CDK14: variants seen among roughly 807,000 people sequenced by gnomAD.
CDK14 encodes cyclin dependent kinase 14, also known as cyclin-dependent kinase 14.
A neutral mutation model predicts 60.7 loss-of-function variants in CDK14; 34 were observed. The observed-to-expected ratio is 0.56, with a 90% CI of 0.43 to 0.75. The LOEUF (loss-of-function observed/expected upper bound fraction) is 0.75. Among genes scored for constraint, CDK14 ranks in the 30% least tolerant of loss-of-function variants. The pLI is 0.00. For missense variants in CDK14, 482 were observed against 564.1 expected (o/e 0.85, Z 1.47); for synonymous variants, 197 against 203.7 (o/e 0.97, Z 0.28).
At chr7:90,612,771 CAAAA>C (rs531162992) in intron 2 of CDK14, among the ~76,000 whole-genome samples, 35 of 91,692 alleles carry the variant, frequency 3.8e-4, no homozygotes, top group South Asian at 8.3e-4. Context: ...GACTCTGTCT[CAAAA>C]AAAAAAAAAA....
intron 4 of CDK14, among the ~76,000 whole-genome samples, chr7:90,789,385 AT>A (rs1805733142): frequency 6.6e-6 from 1 of 152,150 alleles, no homozygotes; most frequent in Non-Finnish European, 1.5e-5. Context: ...ATACATATAT[AT>A]GTAAGTCTAT....
At chr7:90,627,623 T>G (rs1322574827) in intron 2 of CDK14, among the ~76,000 whole-genome samples, 3 of 152,226 alleles carry the variant, frequency 2.0e-5, no homozygotes, top group Non-Finnish European at 4.4e-5. Flanking sequence ...TCTGGCCTCA[T>G]GTCTTTGCTC....
chr7:90,648,638 C>T (rs1800521368), intron 2 of CDK14, among the ~76,000 whole-genome samples: 1 of 152,114 alleles, frequency 6.6e-6, no homozygotes, highest in Non-Finnish European at 1.5e-5. Flanking sequence ...CATCCCAGCA[C>T]TGAGCCCAAT....
At chr7:90,959,760 TTCC>T (rs1258115728) in intron 9 of CDK14, among the ~76,000 whole-genome samples, 3 of 152,194 alleles carry the variant, frequency 2.0e-5, no homozygotes, top group African/African-American at 7.2e-5. Flanking sequence ...GTGTTACGAT[TTCC>T]TCCTCCAGGT....
intron 11 of CDK14, among the ~76,000 whole-genome samples, chr7:91,054,756 T>G (rs542825691): frequency 9.2e-5 from 14 of 152,180 alleles, no homozygotes; most frequent in Non-Finnish European, 1.9e-4. Flanking sequence ...TCCTTTTTCT[T>G]GCAGAGCTCA....
intron 2 of CDK14, among the ~76,000 whole-genome samples, chr7:90,661,150 C>T (rs1584776562): frequency 6.6e-6 from 1 of 152,330 alleles, no homozygotes; most frequent in East Asian, 1.9e-4. Flanking sequence ...AGTTCTATGT[C>T]TGCTGCAAGA....
chr7:90,746,593 T>C (rs1460421306), intron 3 of CDK14, among the ~76,000 whole-genome samples: 1 of 152,198 alleles, frequency 6.6e-6, no homozygotes, highest in Non-Finnish European at 1.5e-5. Context: ...CTAATATGCT[T>C]TGGTATTACC....
At chr7:91,075,813 A>G (rs369864139) in intron 11 of CDK14, among the ~76,000 whole-genome samples, 1 of 152,200 alleles carries the variant, frequency 6.6e-6, no homozygotes, top group Non-Finnish European at 1.5e-5. Context: ...AAGCATTCCT[A>G]CGTACCAACA....
At chr7:90,743,183 T>C (rs955520047) in intron 3 of CDK14, among the ~76,000 whole-genome samples, 1 of 150,666 alleles carries the variant, frequency 6.6e-6, no homozygotes, top group African/African-American at 2.5e-5. Flanking sequence ...CTATATAGCG[T>C]GGTGGTATGG....
intron 11 of CDK14, among the ~76,000 whole-genome samples, chr7:91,069,309 C>T (rs1457833232): frequency 6.6e-6 from 1 of 152,040 alleles, no homozygotes; most frequent in African/African-American, 2.4e-5. Flanking sequence ...GAGGCTGAGG[C>T]GGGAGGATCG....
At chr7:91,049,103 G>A (rs188099100) in intron 11 of CDK14, among the ~76,000 whole-genome samples, 2 of 151,832 alleles carry the variant, frequency 1.3e-5, no homozygotes, top group East Asian at 1.9e-4. Flanking sequence ...GGATGGTCTC[G>A]AACTCTGGGC....
intron 5 of CDK14, among the ~76,000 whole-genome samples, chr7:90,854,363 A>G (rs1790750495): frequency 6.6e-6 from 1 of 152,036 alleles, no homozygotes; most frequent in Non-Finnish European, 1.5e-5. Context: ...ATAACTAGAA[A>G]CAAACAAACA....
In CDK14 at chr7:91,201,070, G is replaced by A. The variant is rs57696163; in HGVS notation, c.*29-6095G>A. ...TTTTTGAAAGCATGTAATTAATTGC[G>A]TGCCTATCTTTAAATGCCTCCTTAT... On this transcript the variant is annotated intron_variant, in intron 14 of 14. Transcript: ENST00000380050. 1.9e-3 allele frequency among the ~76,000 whole-genome samples: 283 copies of A among 151,940 alleles called. 3 individuals carry two copies. Among genetic ancestry groups the A allele is most frequent in the Non-Finnish European group, 2.7e-3 (185 of 67,978 alleles).
At chr7:90,956,444 A>G (rs1273944724) in intron 9 of CDK14, among the ~76,000 whole-genome samples, 2 of 152,198 alleles carry the variant, frequency 1.3e-5, no homozygotes, top group Non-Finnish European at 2.9e-5. Flanking sequence ...GTTCCCAACT[A>G]AGTGTGATCC....
chr7:90,872,348 G>C (rs1378268244), intron 6 of CDK14, among the ~76,000 whole-genome samples: 1 of 152,166 alleles, frequency 6.6e-6, no homozygotes, highest in African/African-American at 2.4e-5. Flanking sequence ...TGAAGGGGAG[G>C]TTGTCATTCA....
chr7:91,180,245 A>G, intron 14 of CDK14, among the ~76,000 whole-genome samples: 1 of 152,214 alleles, frequency 6.6e-6, no homozygotes, highest in East Asian at 1.9e-4. Context: ...TAGGGATACA[A>G]AATGCATCAC....
chr7:90,757,209 AGTGTGT>A (rs56790315), intron 4 of CDK14, among the ~76,000 whole-genome samples: 4,488 of 120,370 alleles, frequency 0.037, 81 homozygotes, highest in East Asian at 0.046. Context: ...GCATTCTTCC[AGTGTGT>A]GTGTGTGTGT....
At chr7:91,158,504 A>G (rs865920248) in intron 14 of CDK14, among the ~76,000 whole-genome samples, 18 of 152,164 alleles carry the variant, frequency 1.2e-4, no homozygotes, top group Admixed American at 2.0e-4. Flanking sequence ...GGCCAAACAT[A>G]GAAATTTTTG....
chr7:90,732,506 C>G (rs1802908816), intron 3 of CDK14, among the ~76,000 whole-genome samples: 1 of 152,150 alleles, frequency 6.6e-6, no homozygotes, highest in Admixed American at 6.5e-5. Flanking sequence ...TAATTACTGC[C>G]TCAATTTCAG....
Sources: allele counts gnomAD v4.1 joint callset (sites outside exome capture counted in the v4.1 genomes callset), GRCh38; gene constraint gnomAD v4.1.1; transcripts MANE v1.5; gene names NCBI Gene and HGNC (gene_info 2026-07-23, HGNC 2026-07-21).